Variants in ZFP64 observed in about 807,000 individuals in gnomAD.
The protein encoded by ZFP64 is ZFP64 zinc finger protein, also known as zinc finger protein 64.
Under a neutral mutation model 51.6 loss-of-function variants are expected in ZFP64, and 14 were observed. The ratio of observed to expected loss-of-function variants is 0.27; its 90% CI spans 0.18 to 0.42. The LOEUF is 0.42. Ranked by LOEUF, ZFP64 falls within the 10% of genes least tolerant of loss-of-function variation. ZFP64 has a pLI of 1.00. For missense variants in ZFP64, 754 were observed against 906.8 expected (o/e 0.83, Z 2.16); for synonymous variants, 375 against 361.4 (o/e 1.04, Z -0.43).
chr20:52,172,015 G>A (rs530456842), intron 2 of ZFP64, among the ~76,000 whole-genome samples: 1 of 152,262 alleles, frequency 6.6e-6, no homozygotes, highest in East Asian at 1.9e-4. Flanking sequence ...CCAAAGTGTT[G>A]GGATTACAGG....
At chr20:52,122,244 C>T (rs1484846554) in intron 5 of ZFP64, among the ~76,000 whole-genome samples, 17 of 152,108 alleles carry the variant, frequency 1.1e-4, no homozygotes, top group African/African-American at 3.1e-4. Context: ...ATTTTACTCA[C>T]GCCTGTAATC....
At chr20:52,124,804 A>G (rs1979371918) in intron 5 of ZFP64, among the ~76,000 whole-genome samples, 1 of 150,968 alleles carries the variant, frequency 6.6e-6, no homozygotes, top group Non-Finnish European at 1.5e-5. Flanking sequence ...GGGTTTTTCC[A>G]TGTTGCCCAG....
At chr20:52,110,879 C>A in intron 5 of ZFP64, 1 of 1,610,276 alleles carries the variant, frequency 6.2e-7, no homozygotes. Context: ...ACCAAGAGAT[C>A]ATCGCTGGAA....
chr20:52,123,877 G>T lies in ZFP64; in HGVS notation c.764-25290C>A, dbSNP rs188648660. 1.1e-3 allele frequency among the ~76,000 whole-genome samples: 147 copies of T among 138,490 alleles called. 1 individual carries two copies. The highest frequency in any genetic ancestry group is 7.1e-3 in the Middle Eastern group (2 of 280). The allele number at this position is 138,490 out of a possible 152,430, so 90.9% of individuals were successfully genotyped here. On this transcript the variant is annotated intron_variant, in intron 5 of 8. Coordinates refer to the ZFP64 transcript ENST00000361387. ...AGTGCTTAGTAAACTTTTCTTTTTTGGGGGGGGGAGGGGGCAGAGTGTCGC... is the reference window on the plus strand; with the variant it reads ...AGTGCTTAGTAAACTTTTCTTTTTTTGGGGGGGGAGGGGGCAGAGTGTCGC...
At chr20:52,113,593 T>C (rs1978714439) in intron 5 of ZFP64, among the ~76,000 whole-genome samples, 1 of 16,308 alleles carries the variant, frequency 6.1e-5, no homozygotes, top group African/African-American at 2.0e-4. Flanking sequence ...CATACCTGGC[T>C]TTTTTTTTTT....
chr20:52,095,721 A>G (rs773053918), intron 7 of ZFP64, among the ~76,000 whole-genome samples: 11 of 152,204 alleles, frequency 7.2e-5, no homozygotes, highest in Admixed American at 5.9e-4. Context: ...CGGTACCTCA[A>G]GAAAACAGTA....
At chr20:52,182,358 G>A (rs377558160) in intron 2 of ZFP64, among the ~76,000 whole-genome samples, 3 of 152,116 alleles carry the variant, frequency 2.0e-5, no homozygotes, top group African/African-American at 7.2e-5. Context: ...ACAAAACTCC[G>A]GCATGGCAAG....
downstream of ZFP64, among the ~76,000 whole-genome samples, chr20:52,147,778 G>A (rs997609716): frequency 8.5e-5 from 13 of 152,166 alleles, no homozygotes; most frequent in African/African-American, 2.9e-4. Context: ...ACTTTGGGAG[G>A]CCGAGGCAGG....
chr20:52,153,712 A>T lies in ZFP64; in HGVS notation c.764-284T>A, dbSNP rs1421891826. Among the ~76,000 whole-genome samples, 1 of 152,254 alleles carries T rather than the reference A, an allele frequency of 6.6e-6. No homozygotes were observed. The highest frequency in any genetic ancestry group is 1.5e-5 in the Non-Finnish European group (1 of 68,044). On this transcript the variant is annotated intron_variant, in intron 5 of 5. Transcript: ENST00000216923. This position sits in a 1 kb window ranked among gnomAD's most constrained non-coding sequence, Gnocchi z 5.1. ...AATAAGATTTACAAGTATACTTGTT[A>T]TATTCTTTAAAACACTCAAACTATC...
intron 5 of ZFP64, chr20:52,111,013 G>C: frequency 1.4e-6 from 2 of 1,469,930 alleles, no homozygotes; most frequent in Non-Finnish European, 1.9e-6. Context: ...CGTATCCAGG[G>C]GAAGGGCGCG....
intron 5 of ZFP64, among the ~76,000 whole-genome samples, chr20:52,142,039 A>T (rs2073725773): frequency 6.6e-6 from 1 of 152,108 alleles, no homozygotes; most frequent in African/African-American, 2.4e-5. Context: ...GACATTACAG[A>T]CTCAGAAGGA....
chr20:52,138,165 C>T (rs1044661908), intron 5 of ZFP64, among the ~76,000 whole-genome samples: 23 of 151,920 alleles, frequency 1.5e-4, no homozygotes, highest in African/African-American at 5.1e-4. Context: ...CAAGATCACT[C>T]CACTGCACTT....
intron 3 of ZFP64, 132 bp from the exon 4 acceptor site, chr20:52,164,889 T>C (rs1982123541): frequency 1.3e-6 from 1 of 753,728 alleles, no homozygotes. Flanking sequence ...AGATCTCATG[T>C]GCCTTCATAT....
Position 52,153,514 on chromosome 20 carries a change from A to T in ZFP64, c.764-86T>A, listed in dbSNP as rs1257010556. On this transcript the variant is annotated intron_variant, in intron 5 of 5. Coordinates refer to ENST00000216923, the MANE Select transcript of ZFP64 (RefSeq NM_018197.3). This position sits in a 1 kb window ranked among gnomAD's most constrained non-coding sequence, Gnocchi z 5.1. Reference sequence around the variant, plus strand: ...CGAAGCACACACCAGAAAATCGCTTATACAAGGTGGGTGGGTGCAGACCTC... The same window carrying T: ...CGAAGCACACACCAGAAAATCGCTTTTACAAGGTGGGTGGGTGCAGACCTC... 2 of 1,497,962 alleles carry T rather than the reference A, an allele frequency of 1.3e-6. No homozygotes were observed. The highest frequency in any genetic ancestry group is 1.8e-6 in the Non-Finnish European group (2 of 1,121,998). The allele number at this position is 1,497,962 out of a possible 1,614,324, so 92.8% of individuals were successfully genotyped here. A position where few individuals can be genotyped will look rare whatever the true frequency, so the allele number is the denominator to read the frequency against.
At chr20:52,136,693 C>T (rs1165965922) in intron 5 of ZFP64, among the ~76,000 whole-genome samples, 1 of 152,064 alleles carries the variant, frequency 6.6e-6, no homozygotes, top group African/African-American at 2.4e-5. Flanking sequence ...AGAAAAACAC[C>T]AGTACCTTGC....
chr20:52,125,791 A>T (rs1329813514), intron 5 of ZFP64, among the ~76,000 whole-genome samples: 1 of 152,172 alleles, frequency 6.6e-6, no homozygotes, highest in Non-Finnish European at 1.5e-5. Flanking sequence ...CACAAGATAC[A>T]CTGGGAAAGC....
chr20:52,149,212 G>C (rs370715224), downstream of ZFP64, among the ~76,000 whole-genome samples: 1 of 148,892 alleles, frequency 6.7e-6, no homozygotes, highest in African/African-American at 2.5e-5. Flanking sequence ...AAATTAATCC[G>C]TATTTATGCA....
At chr20:52,104,567 G>C (rs62216874) in intron 5 of ZFP64, 91,096 of 379,648 alleles carry the variant, frequency 0.24, 12,216 homozygotes, top group African/African-American at 0.36. Context: ...TCGGGCCTCC[G>C]GTGACCTCTC....
At chr20:52,179,091 T>C (rs1983435360) in intron 2 of ZFP64, among the ~76,000 whole-genome samples, 1 of 152,108 alleles carries the variant, frequency 6.6e-6, no homozygotes, top group Non-Finnish European at 1.5e-5. Context: ...GACTGAATTA[T>C]GGGGGTGGGT....
Sources: allele counts gnomAD v4.1 joint callset (sites outside exome capture counted in the v4.1 genomes callset), GRCh38; gene constraint gnomAD v4.1.1; non-coding constraint Gnocchi (gnomAD v3.1); transcripts MANE v1.5; gene names NCBI Gene and HGNC (gene_info 2026-07-23, HGNC 2026-07-21).